Variants in TMEM181 observed in about 807,000 individuals in gnomAD.
The protein encoded by TMEM181 is transmembrane protein 181.
TMEM181 carries 39 observed loss-of-function variants against 71.9 expected under a neutral mutation model. That is an observed-to-expected ratio of 0.54 (90% CI 0.42 to 0.71). The LOEUF is 0.71. Ranked by LOEUF, TMEM181 falls within the 30% of genes least tolerant of loss-of-function variation. The pLI is 0.00. For synonymous variants in TMEM181, 245 were observed against 228.8 expected (o/e 1.07, Z -0.64); for missense variants, 595 against 583.0 (o/e 1.02, Z -0.21).
At chr6:158,539,042 A>G (rs1304648732) in intron 1 of TMEM181, among the ~76,000 whole-genome samples, 1 of 152,192 alleles carries the variant, frequency 6.6e-6, no homozygotes, top group Admixed American at 6.5e-5. Context: ...AGGATTTTAC[A>G]CGGGACAAGT....
intron 7 of TMEM181, among the ~76,000 whole-genome samples, chr6:158,605,592 T>G (rs970765110): frequency 2.6e-5 from 4 of 152,242 alleles, no homozygotes; most frequent in Non-Finnish European, 5.9e-5. Flanking sequence ...AAGTAAATGT[T>G]GATCATGTGC....
rs1367971226 is a variant in TMEM181 at position 158,634,573 on chromosome 6, G to A, written c.*2685G>A. On this transcript the variant is annotated 3_prime_UTR_variant, in exon 17 of 17. Coordinates refer to ENST00000684151, the MANE Select transcript of TMEM181 (RefSeq NM_001376852.1). ...TAGGGAGAGCTTCGTTATCCATGTG[G>A]ATGATAAGTCTGCTTGATTTATTAT... is the stretch of plus-strand genomic sequence containing the variant. The A allele has an allele frequency of 6.6e-6, 1 of 152,180 alleles. No individual in the cohort carries two copies. The highest frequency in any genetic ancestry group is 6.5e-5 in the Admixed American group (1 of 15,272). The allele number at this position is 152,180 out of a possible 1,614,324, so 9.4% of individuals were successfully genotyped here.
chr6:158,612,853 T>C (rs1348512724), intron 10 of TMEM181, among the ~76,000 whole-genome samples: 2 of 152,224 alleles, frequency 1.3e-5, no homozygotes, highest in East Asian at 3.8e-4. Context: ...CAGTACATAG[T>C]CCTACTGCAA....
chr6:158,545,994 C>T (rs1000280386), intron 1 of TMEM181, among the ~76,000 whole-genome samples: 30 of 152,168 alleles, frequency 2.0e-4, no homozygotes, highest in African/African-American at 7.2e-4. Context: ...GAGTTTTGCT[C>T]GTAAGTGAAG....
chr6:158,582,818 C>T (rs1783553086), intron 3 of TMEM181, among the ~76,000 whole-genome samples: 1 of 152,186 alleles, frequency 6.6e-6, no homozygotes, highest in South Asian at 2.1e-4. Context: ...AAAGATACTG[C>T]AGAAGAATCA....
intron 10 of TMEM181, among the ~76,000 whole-genome samples, chr6:158,613,786 A>G (rs1041061944): frequency 6.6e-6 from 1 of 152,218 alleles, no homozygotes; most frequent in African/African-American, 2.4e-5. Flanking sequence ...AAGAATACTT[A>G]TAACTAGTTT....
chr6:158,564,589 C>G (rs1204801798), intron 1 of TMEM181, among the ~76,000 whole-genome samples: 1 of 152,236 alleles, frequency 6.6e-6, no homozygotes, highest in Non-Finnish European at 1.5e-5. Flanking sequence ...GCCATCGTTT[C>G]TAATAGCTAG....
At chr6:158,564,395 C>G (rs538108585) in intron 1 of TMEM181, among the ~76,000 whole-genome samples, 1 of 152,266 alleles carries the variant, frequency 6.6e-6, no homozygotes, top group Non-Finnish European at 1.5e-5. Flanking sequence ...GTGAAATGGG[C>G]CGATGTGCCT....
intron 10 of TMEM181, among the ~76,000 whole-genome samples, chr6:158,622,690 C>A (rs1786034007): frequency 6.6e-6 from 1 of 152,214 alleles, no homozygotes; most frequent in Non-Finnish European, 1.5e-5. Flanking sequence ...TAAGTAGGGA[C>A]AGCTGTATGA....
At chr6:158,585,818 G>A (rs1283011539) in intron 5 of TMEM181, among the ~76,000 whole-genome samples, 1 of 152,090 alleles carries the variant, frequency 6.6e-6, no homozygotes, top group Non-Finnish European at 1.5e-5. Flanking sequence ...TGTGGTCACT[G>A]GGTTTTTTTG....
intron 11 of TMEM181, among the ~76,000 whole-genome samples, chr6:158,624,052 G>A (rs116142919): frequency 0.023 from 3,556 of 152,296 alleles, 160 homozygotes; most frequent in African/African-American, 0.082. Context: ...GTGAGCCACT[G>A]TACCCGGCAG....
At chr6:158,601,250 A>G (rs1159026642) in intron 6 of TMEM181, among the ~76,000 whole-genome samples, 1 of 152,182 alleles carries the variant, frequency 6.6e-6, no homozygotes, top group African/African-American at 2.4e-5. Context: ...GCATCATCTC[A>G]TTAAAATGCT....
intron 6 of TMEM181, among the ~76,000 whole-genome samples, chr6:158,592,988 G>T (rs139869993): frequency 6.6e-6 from 1 of 152,148 alleles, no homozygotes; most frequent in South Asian, 2.1e-4. Context: ...AAGGACACAA[G>T]TTTTCTCATA....
intron 2 of TMEM181, among the ~76,000 whole-genome samples, chr6:158,575,020 T>C (rs1402385963): frequency 2.0e-5 from 3 of 152,192 alleles, no homozygotes; most frequent in Admixed American, 6.5e-5. Context: ...ACTCAGCCAA[T>C]TTGTTTTATT....
intron 8 of TMEM181, 128 bp from the exon 9 acceptor site, chr6:158,608,205 C>T (rs6926215): frequency 7.3e-7 from 1 of 1,370,818 alleles, no homozygotes. Flanking sequence ...TGCTGTCTGC[C>T]AGGTGCTGAC....
chr6:158,559,524 A>T (rs1782030810), upstream of TMEM181, among the ~76,000 whole-genome samples: 1 of 152,232 alleles, frequency 6.6e-6, no homozygotes, highest in Non-Finnish European at 1.5e-5. Flanking sequence ...GATTACAGAA[A>T]TGGGGAACAC....
At chr6:158,538,239 C>CG (rs1368944124) in intron 1 of TMEM181, among the ~76,000 whole-genome samples, 1 of 151,180 alleles carries the variant, frequency 6.6e-6, no homozygotes, top group East Asian at 1.9e-4. Context: ...ACTGCATCCT[C>CG]CACTTCCCTG....
chr6:158,563,008 G>A (rs1782272965), intron 1 of TMEM181, among the ~76,000 whole-genome samples: 1 of 152,222 alleles, frequency 6.6e-6, no homozygotes, highest in Admixed American at 6.5e-5. Context: ...CCTGACTGCT[G>A]TACTCTGCTC....
At position 158,543,438 on chromosome 6, in the gene TMEM181, G is replaced by T. The variant is rs139605135; in HGVS notation, c.131+6573G>T. 8.5e-5 allele frequency among the ~76,000 whole-genome samples: 13 copies of T among 152,298 alleles called. No homozygotes were observed. The East Asian group carries it at 2.5e-3, about 29-fold the overall frequency. On this transcript the variant is annotated intron_variant, in intron 1 of 16. Transcript: ENST00000367090. ...GCTGGGGCTCTGGAGCCGCCTTCTA[G>T]GGCTGCGGTAAGAAAACACCACAGC...
Sources: allele counts gnomAD v4.1 joint callset (sites outside exome capture counted in the v4.1 genomes callset), GRCh38; gene constraint gnomAD v4.1.1; transcripts MANE v1.5; gene names NCBI Gene and HGNC (gene_info 2026-07-23, HGNC 2026-07-21).